The following LARP1B variants were observed in gnomAD, a reference collection of about 807,000 sequenced individuals.
LARP1B encodes the protein La ribonucleoprotein 1B.
LARP1B carries 76 observed loss-of-function variants against 114.2 expected under a neutral mutation model. The ratio of observed to expected loss-of-function variants is 0.67; its 90% confidence interval spans 0.55 to 0.81. LARP1B has a LOEUF of 0.81. Ranked by LOEUF, LARP1B falls within the 30% of genes least tolerant of loss-of-function variation. The probability of loss-of-function intolerance (pLI) is 0.00; values close to 1 mark genes in which losing one functional copy is unlikely to be tolerated. For missense variants in LARP1B, 1,014 were observed against 1,075.8 expected (o/e 0.94, Z 0.80); for synonymous variants, 345 against 348.0 (o/e 0.99, Z 0.10).
rs1253537444 is a variant in LARP1B at position 128,207,262 on chromosome 4, T to C, written c.2426T>C (p.Leu809Pro). Residue 809 changes from leucine to proline, a missense_variant, in exon 19 of 20, where the codon CTG (leucine) becomes CCG (proline). Physicochemically the swap from Leu to Pro is moderately conservative, Grantham distance 98. Transcript: ENST00000326639. The part of the protein sequence containing the change: ...ETKKDYESGQ[L>P]YGLEKFWAYL... Reference sequence around the variant, plus strand: ...TATTATTCTTTGTTATTAGGTCAGCTGTATGGACTAGAAAAGTTTTGGGCT... The same window carrying C: ...TATTATTCTTTGTTATTAGGTCAGCCGTATGGACTAGAAAAGTTTTGGGCT... 4 of 1,429,996 alleles carry C rather than the reference T, an allele frequency of 2.8e-6. No individual in the cohort carries two copies. The highest frequency in any genetic ancestry group is 1.4e-5 in the African/African-American group (1 of 69,164). 88.6% of individuals were successfully genotyped at this position (1,429,996 alleles called of 1,614,324 possible). A position where few individuals can be genotyped will look rare whatever the true frequency, so the allele number is the denominator to read the frequency against.
intron 3 of LARP1B, among the ~76,000 whole-genome samples, chr4:128,075,804 C>T (rs1374670415): frequency 6.6e-6 from 1 of 152,178 alleles, no homozygotes; most frequent in Non-Finnish European, 1.5e-5. Flanking sequence ...GCCTCAGCCT[C>T]CCAAAGTGCT....
chr4:128,084,817 CTTTA>C (rs1477144227), intron 5 of LARP1B, among the ~76,000 whole-genome samples: 7 of 151,968 alleles, frequency 4.6e-5, no homozygotes, highest in Non-Finnish European at 8.8e-5. Flanking sequence ...ACCCCTGTAA[CTTTA>C]TTTGATTATT....
At position 128,210,587 on chromosome 4, in the gene LARP1B, C is replaced by A. The variant is rs79682949; in HGVS notation, c.*534C>A. ...TTCAAAAAAGAATATGAAATTATAC[C>A]TTTAGTATCCCTTTGAGACATATAG... On this transcript the variant is annotated 3_prime_UTR_variant, in exon 20 of 20. Coordinates refer to ENST00000326639, the MANE Select transcript of LARP1B (RefSeq NM_018078.4). 0.015 allele frequency: 14,130 copies of A among 923,222 alleles called. 163 individuals carry two copies. The highest frequency in any genetic ancestry group is 0.099 in the East Asian group (852 of 8,566). The allele number at this position is 923,222 out of a possible 1,614,324, so 57.2% of individuals were successfully genotyped here.
At chr4:128,201,708 T>G (rs1756004214) in intron 17 of LARP1B, among the ~76,000 whole-genome samples, 2 of 152,140 alleles carry the variant, frequency 1.3e-5, no homozygotes, top group African/African-American at 4.8e-5. Context: ...GAAATGTTCA[T>G]GGAAAGTCTT....
chr4:128,200,461 T>C, intron 16 of LARP1B, 60 bp from the exon 17 acceptor site: 1 of 1,051,152 alleles, frequency 9.5e-7, no homozygotes, highest in South Asian at 2.1e-5. Flanking sequence ...ATATAACATC[T>C]GCTGTCTTGT....
intron 11 of LARP1B, chr4:128,122,980 G>C (rs770762757): frequency 1.5e-4 from 144 of 983,706 alleles, no homozygotes; most frequent in Non-Finnish European, 1.7e-4. Flanking sequence ...TTTCAGTAGA[G>C]GGTATAATAA....
In LARP1B at chr4:128,210,331, C is replaced by A; in HGVS notation, c.*278C>A. ...AGATCTTCTAGTAATGTATTTTGAT[C>A]TCAGATTTCTTTTTCAAAGCCATGG... On this transcript the variant is annotated 3_prime_UTR_variant, in exon 20 of 20. Transcript: ENST00000326639. 1 of 1,157,328 alleles carries A rather than the reference C, an allele frequency of 8.6e-7. No individual in the cohort carries two copies. The highest frequency in any genetic ancestry group is 1.1e-6 in the Non-Finnish European group (1 of 937,784). The allele number at this position is 1,157,328 out of a possible 1,614,324, so 71.7% of individuals were successfully genotyped here. A position where few individuals can be genotyped will look rare whatever the true frequency, so the allele number is the denominator to read the frequency against.
At position 128,123,380 on chromosome 4, in the gene LARP1B, G is replaced by A. The variant is rs1788603850; in HGVS notation, c.1524+1192G>A. 3.1e-6 allele frequency: 3 copies of A among 974,498 alleles called. No individual in the cohort carries two copies. The African/African-American group carries it at 5.3e-5, about 17-fold the overall frequency. The allele number at this position is 974,498 out of a possible 1,614,324, so 60.4% of individuals were successfully genotyped here. On this transcript the variant is annotated intron_variant, in intron 11 of 19. Coordinates refer to ENST00000326639, the MANE Select transcript of LARP1B (RefSeq NM_018078.4). ...ATTTTATTTGTAATACTTAGGTTCG[G>A]TAAGTAATACCTATCTTAAATCCTT...
chr4:128,112,128 TG>T (rs1441018133), intron 9 of LARP1B, among the ~76,000 whole-genome samples: 1 of 152,190 alleles, frequency 6.6e-6, no homozygotes, highest in Non-Finnish European at 1.5e-5. Flanking sequence ...GTACTTTTTT[TG>T]TGAATGAATT....
intron 11 of LARP1B, among the ~76,000 whole-genome samples, chr4:128,126,691 A>G (rs1789730954): frequency 1.3e-5 from 2 of 152,174 alleles, no homozygotes; most frequent in Non-Finnish European, 2.9e-5. Context: ...AAGAAATAGA[A>G]TATATGAAAA....
At chr4:128,188,050 C>T (rs1222731666) in intron 15 of LARP1B, among the ~76,000 whole-genome samples, 1 of 151,920 alleles carries the variant, frequency 6.6e-6, no homozygotes, top group Non-Finnish European at 1.5e-5. Flanking sequence ...AAACCTCTTT[C>T]CTCTATAATT....
At chr4:128,078,817 A>G (rs1769030555) in intron 4 of LARP1B, among the ~76,000 whole-genome samples, 1 of 152,130 alleles carries the variant, frequency 6.6e-6, no homozygotes, top group Admixed American at 6.6e-5. Context: ...TTCTAGGCAG[A>G]AAAGGGCTTT....
At chr4:128,155,941 G>T (rs1581101997) in intron 11 of LARP1B, 1 of 1,526,742 alleles carries the variant, frequency 6.5e-7, no homozygotes, top group Non-Finnish European at 9.0e-7. Context: ...GTACACAGGC[G>T]GTACCAGCGG....
At chr4:128,133,587 C>T (rs1305501707) in intron 11 of LARP1B, among the ~76,000 whole-genome samples, 1 of 152,224 alleles carries the variant, frequency 6.6e-6, no homozygotes, top group Non-Finnish European at 1.5e-5. Context: ...AAGCTTCAGA[C>T]TTCCTGCTTG....
At chr4:128,073,523 C>CAAA (rs200125031) in intron 1 of LARP1B, among the ~76,000 whole-genome samples, 1 of 110,232 alleles carries the variant, frequency 9.1e-6, no homozygotes, top group East Asian at 2.9e-4. Context: ...GACTCTGTCT[C>CAAA]AAAAAAAAAA....
chr4:128,154,255 T>TA (rs1734352679), intron 11 of LARP1B, among the ~76,000 whole-genome samples: 2 of 152,234 alleles, frequency 1.3e-5, no homozygotes, highest in South Asian at 2.1e-4. Context: ...CATTTTCAGT[T>TA]ACGCTTTCTC....
At position 128,126,381 on chromosome 4, in the gene LARP1B, C is replaced by T. The variant is rs560818819; in HGVS notation, c.1524+4193C>T. Among the ~76,000 whole-genome samples, 125 of 152,188 alleles carry T rather than the reference C, an allele frequency of 8.2e-4. No homozygotes were observed. In the Middle Eastern group the frequency reaches 0.01, roughly 12 times the overall value. On this transcript the variant is annotated intron_variant, in intron 11 of 19. Transcript: ENST00000326639. ...CAAGTGATCTGCTTACCTCGGCTTC[C>T]GAAAGTGCTGGGATTACAGGCGTGA... is the stretch of plus-strand genomic sequence containing the variant.
At chr4:128,086,099 C>T (rs888130441) in intron 5 of LARP1B, among the ~76,000 whole-genome samples, 58 of 150,444 alleles carry the variant, frequency 3.9e-4, no homozygotes, top group Middle Eastern at 3.4e-3. Context: ...CTGCAAGTTC[C>T]GCCTCCCTGG....
At chr4:128,062,261 A>T (rs1407533479) in intron 1 of LARP1B, 1 of 985,276 alleles carries the variant, frequency 1.0e-6, no homozygotes, top group African/African-American at 1.7e-5. Flanking sequence ...GGGTGCGGGC[A>T]GGGGCGACTT....
Sources: allele counts gnomAD v4.1 joint callset (sites outside exome capture counted in the v4.1 genomes callset), GRCh38; gene constraint gnomAD v4.1.1; transcripts MANE v1.5; gene names NCBI Gene and HGNC (gene_info 2026-07-23, HGNC 2026-07-21).